The following GEMIN2 variants were observed in gnomAD, a reference collection of about 807,000 sequenced individuals.
The protein encoded by GEMIN2 is gem nuclear organelle associated protein 2, also known as gem-associated protein 2.
In GEMIN2, 37 loss-of-function variants were observed where a neutral mutation model predicts 45.8. The observed-to-expected ratio is 0.81, with a 90% CI of 0.62 to 1.06. The LOEUF (loss-of-function observed/expected upper bound fraction) is 1.06, where lower values mean the gene tolerates loss of function less well. Ranked by LOEUF, GEMIN2 falls within the 50% of genes least tolerant of loss-of-function variation. GEMIN2 has a pLI of 0.00. For missense variants in GEMIN2, 335 were observed against 321.8 expected (o/e 1.04, Z -0.31); for synonymous variants, 101 against 111.5 (o/e 0.91, Z 0.60).
chr14:39,120,032 G>A (rs902064685), intron 4 of GEMIN2, among the ~76,000 whole-genome samples: 4 of 152,036 alleles, frequency 2.6e-5, no homozygotes, highest in Admixed American at 2.0e-4. Flanking sequence ...CTTACTTAGC[G>A]GAAGGCCTTT....
intron 2 of GEMIN2, among the ~76,000 whole-genome samples, chr14:39,115,217 G>A (rs1406442461): frequency 1.1e-4 from 16 of 151,920 alleles, no homozygotes; most frequent in Non-Finnish European, 1.8e-4. Context: ...TTGTTTGTTT[G>A]TTTATAGAGA....
chr14:39,122,126 CTT>C (rs1481818100), intron 4 of GEMIN2: 4 of 255,216 alleles, frequency 1.6e-5, no homozygotes, highest in Middle Eastern at 1.1e-3. Flanking sequence ...CCTGGTGTCT[CTT>C]TGTGAATCCA....
At chr14:39,119,765 A>G (rs1248400187) in intron 4 of GEMIN2, among the ~76,000 whole-genome samples, 4 of 152,228 alleles carry the variant, frequency 2.6e-5, no homozygotes, top group Non-Finnish European at 5.9e-5. Context: ...ACCATTTGGA[A>G]GCTCTGCTCC....
chr14:39,120,958 G>C lies in GEMIN2; in HGVS notation c.373-1472G>C, dbSNP rs983146799. Reference sequence around the variant, plus strand: ...TACAAGGTGATATGTACAAACAAAGGTTATTTTGTTAAGGAGGTTATATTG... The same window carrying C: ...TACAAGGTGATATGTACAAACAAAGCTTATTTTGTTAAGGAGGTTATATTG... On this transcript the variant is annotated intron_variant, in intron 4 of 9. Transcript: ENST00000308317. Among the ~76,000 whole-genome samples, 3 of 152,196 alleles carry C rather than the reference G, an allele frequency of 2.0e-5. No individual in the cohort carries two copies. In the South Asian group the frequency reaches 6.2e-4, roughly 31 times the overall value.
chr14:39,118,693 C>A, intron 4 of GEMIN2, 94 bp downstream of exon 4: 1 of 623,096 alleles, frequency 1.6e-6, no homozygotes. Context: ...CTTGCCTAGT[C>A]AGTGTTACTT....
At position 39,136,506 on chromosome 14, in the gene GEMIN2, A is replaced by G. The variant is rs1163066060; in HGVS notation, c.*27A>G. ...GTAGCTGATCTCTCAGGGATAGAAGATATTTCTCATGAAGGCAGCCTAACT... is the reference window on the plus strand; with the variant it reads ...GTAGCTGATCTCTCAGGGATAGAAGGTATTTCTCATGAAGGCAGCCTAACT... On this transcript the variant is annotated 3_prime_UTR_variant, in exon 10 of 10. Coordinates refer to ENST00000308317, the MANE Select transcript of GEMIN2 (RefSeq NM_003616.3). 2 of 1,583,726 alleles carry G rather than the reference A, an allele frequency of 1.3e-6. No individual in the cohort carries two copies. Among genetic ancestry groups the G allele is most frequent in the African/African-American group, 1.3e-5 (1 of 74,280 alleles).
chr14:39,117,928 G>T, intron 2 of GEMIN2, 71 bp from the exon 3 acceptor site: 2 of 682,828 alleles, frequency 2.9e-6, no homozygotes, highest in Non-Finnish European at 5.2e-6. Flanking sequence ...TTTTACTTTT[G>T]CTTTGCAGAG....
At chr14:39,118,952 T>A (rs2052545547) in intron 4 of GEMIN2, among the ~76,000 whole-genome samples, 1 of 151,944 alleles carries the variant, frequency 6.6e-6, no homozygotes, top group Non-Finnish European at 1.5e-5. Context: ...TTGTTAAAAT[T>A]TTTTGTAGAG....
At chr14:39,126,693 T>C (rs767498241) in intron 6 of GEMIN2, among the ~76,000 whole-genome samples, 8 of 152,250 alleles carry the variant, frequency 5.3e-5, no homozygotes, top group Non-Finnish European at 1.2e-4. Context: ...TTTCTCCACC[T>C]AAATTTTTAT....
At chr14:39,133,299 CACAT>C (rs1034530833) in intron 8 of GEMIN2, among the ~76,000 whole-genome samples, 1 of 23,116 alleles carries the variant, frequency 4.3e-5, no homozygotes, top group Non-Finnish European at 9.9e-5. Flanking sequence ...ACAGTTAAGA[CACAT>C]ATATAATATA....
In GEMIN2 at chr14:39,122,549, G is replaced by A. The variant is rs746865446; in HGVS notation, c.486+6G>A. 41 of 1,367,490 alleles carry A rather than the reference G, an allele frequency of 3.0e-5. No homozygotes were observed. The highest frequency in any genetic ancestry group is 4.2e-5 in the Non-Finnish European group (41 of 967,066). The allele number at this position is 1,367,490 out of a possible 1,614,324, so 84.7% of individuals were successfully genotyped here. A position where few individuals can be genotyped will look rare whatever the true frequency, so the allele number is the denominator to read the frequency against. On this transcript the variant is annotated splice_donor_region_variant and intron_variant, in intron 5 of 9. Transcript: ENST00000308317. The stretch of plus-strand genomic sequence containing the variant: ...CTGGAATAGATTATGTACAAGTAAG[G>A]GCTGTGTGGATAAACAGAACAAAAA...
intron 6 of GEMIN2, 114 bp downstream of exon 6, chr14:39,125,150 T>C (rs2052623780): frequency 1.6e-6 from 1 of 609,802 alleles, no homozygotes; most frequent in South Asian, 2.3e-5. Flanking sequence ...TGTCCTAAGC[T>C]CTTTAATGGT....
chr14:39,128,782 C>T (rs1374627962), intron 7 of GEMIN2, among the ~76,000 whole-genome samples: 1 of 152,022 alleles, frequency 6.6e-6, no homozygotes, highest in Non-Finnish European at 1.5e-5. Context: ...GAATTACAGG[C>T]ATGAGCCACC....
intron 4 of GEMIN2, among the ~76,000 whole-genome samples, chr14:39,119,453 G>T (rs536464672): frequency 6.6e-6 from 1 of 152,288 alleles, no homozygotes; most frequent in East Asian, 1.9e-4. Flanking sequence ...ATGAAAAAAG[G>T]AGTTGGAAAG....
chr14:39,117,082 G>C (rs566389479), intron 2 of GEMIN2, among the ~76,000 whole-genome samples: 1 of 152,044 alleles, frequency 6.6e-6, no homozygotes, highest in East Asian at 1.9e-4. Context: ...AGACCAGCCC[G>C]ACCAACATGG....
At chr14:39,123,708 A>ATATATATATATATATATTTTT in intron 5 of GEMIN2, among the ~76,000 whole-genome samples, 1 of 37,696 alleles carries the variant, frequency 2.7e-5, no homozygotes, top group African/African-American at 1.3e-4. Context: ...ATATATATAT[A>ATATATATATATATATATTTTT]TTTTTTTTTT....
intron 7 of GEMIN2, 62 bp downstream of exon 7, chr14:39,128,410 T>C: frequency 1.2e-6 from 1 of 810,290 alleles, no homozygotes; most frequent in Non-Finnish European, 2.1e-6. Context: ...GGGTCAACTG[T>C]GGGCCACATA....
intron 7 of GEMIN2, 151 bp downstream of exon 7, chr14:39,128,499 T>TC (rs1295999997): frequency 2.0e-6 from 1 of 491,978 alleles, no homozygotes; most frequent in Non-Finnish European, 3.5e-6. Context: ...TTTTTTTTTT[T>TC]TTTTTTTTTG....
intron 9 of GEMIN2, among the ~76,000 whole-genome samples, chr14:39,135,975 C>T (rs2052776652): frequency 1.3e-5 from 2 of 152,064 alleles, no homozygotes; most frequent in South Asian, 4.1e-4. Context: ...AATTCCAGCA[C>T]TTCGAGAGAC....
Sources: allele counts gnomAD v4.1 joint callset (sites outside exome capture counted in the v4.1 genomes callset), GRCh38; gene constraint gnomAD v4.1.1; transcripts MANE v1.5; gene names NCBI Gene and HGNC (gene_info 2026-07-23, HGNC 2026-07-21).